Variants in FBXL17 observed in about 807,000 individuals in gnomAD.
The protein encoded by FBXL17 is F-box and leucine rich repeat protein 17.
FBXL17 carries 22 observed loss-of-function variants against 66.2 expected under a neutral mutation model. The observed-to-expected ratio is 0.33, with a 90% CI of 0.24 to 0.47. FBXL17 has a LOEUF of 0.47. Ranked by LOEUF, FBXL17 falls within the 20% of genes least tolerant of loss-of-function variation. FBXL17 has a pLI of 1.00. For synonymous variants in FBXL17, 474 were observed against 400.5 expected (o/e 1.18, Z -2.19); for missense variants, 878 against 948.2 (o/e 0.93, Z 0.97).
intron 4 of FBXL17, among the ~76,000 whole-genome samples, chr5:108,252,532 A>G (rs891104273): frequency 4.6e-5 from 7 of 152,196 alleles, no homozygotes; most frequent in African/African-American, 1.7e-4. Flanking sequence ...TTTCTGGAAC[A>G]AACAAAATGA....
chr5:108,182,838 G>C (rs1055160506), intron 6 of FBXL17, among the ~76,000 whole-genome samples: 1 of 152,008 alleles, frequency 6.6e-6, no homozygotes, highest in Non-Finnish European at 1.5e-5. Context: ...TAGAAGATTA[G>C]AAATCCACTC....
chr5:107,890,695 T>C (rs1749171356), intron 7 of FBXL17, among the ~76,000 whole-genome samples: 1 of 151,446 alleles, frequency 6.6e-6, no homozygotes, highest in Non-Finnish European at 1.5e-5. Context: ...TCTAACCTAC[T>C]ATGTATCAGA....
At chr5:108,351,306 AT>A (rs1389786884) in intron 3 of FBXL17, among the ~76,000 whole-genome samples, 1 of 152,196 alleles carries the variant, frequency 6.6e-6, no homozygotes, top group Admixed American at 6.5e-5. Context: ...CTAAATCCTT[AT>A]CTTTGATACA....
intron 7 of FBXL17, among the ~76,000 whole-genome samples, chr5:107,955,066 C>G (rs1215191225): frequency 1.3e-5 from 2 of 151,948 alleles, no homozygotes; most frequent in Non-Finnish European, 2.9e-5. Flanking sequence ...AGAAAATGAT[C>G]AGTTTTAATT....
intron 7 of FBXL17, among the ~76,000 whole-genome samples, chr5:108,009,300 T>TATATATATACAC (rs1554056634): frequency 4.7e-5 from 3 of 63,302 alleles, no homozygotes; most frequent in Non-Finnish European, 9.0e-5. Context: ...TATATATATA[T>TATATATATACAC]ACATATATAC....
intron 4 of FBXL17, among the ~76,000 whole-genome samples, chr5:108,289,785 A>G (rs1758039174): frequency 6.6e-6 from 1 of 152,122 alleles, no homozygotes; most frequent in African/African-American, 2.4e-5. Context: ...ATTGCTTTGG[A>G]AGGTTGCCTA....
chr5:107,966,020 A>T (rs1258076478), intron 7 of FBXL17, among the ~76,000 whole-genome samples: 1 of 152,166 alleles, frequency 6.6e-6, no homozygotes, highest in Non-Finnish European at 1.5e-5. Flanking sequence ...GGCTCTTAGA[A>T]ATTTTCCCTG....
chr5:108,071,260 A>G (rs780697866), intron 6 of FBXL17, among the ~76,000 whole-genome samples: 2 of 152,190 alleles, frequency 1.3e-5, no homozygotes, highest in Non-Finnish European at 2.9e-5. Context: ...TGTGAGTACT[A>G]AGATTTTCAT....
chr5:107,869,344 G>C (rs894813614), intron 8 of FBXL17, among the ~76,000 whole-genome samples: 2 of 152,142 alleles, frequency 1.3e-5, no homozygotes, highest in Admixed American at 1.3e-4. Flanking sequence ...AAAAGTCATC[G>C]TGAACAATGC....
At chr5:108,147,333 A>G (rs1751600086) in intron 6 of FBXL17, among the ~76,000 whole-genome samples, 1 of 152,314 alleles carries the variant, frequency 6.6e-6, no homozygotes, top group South Asian at 2.1e-4. Context: ...GTCAATGGAA[A>G]CTACTGTGTT....
At chr5:108,062,113 T>C (rs1315539930) in intron 6 of FBXL17, among the ~76,000 whole-genome samples, 2 of 152,078 alleles carry the variant, frequency 1.3e-5, no homozygotes, top group East Asian at 3.9e-4. Context: ...GGACTCCTTT[T>C]ACAAAAGGAA....
intron 4 of FBXL17, among the ~76,000 whole-genome samples, chr5:108,244,196 T>C (rs7737425): frequency 0.05 from 7,578 of 152,238 alleles, 629 homozygotes; most frequent in African/African-American, 0.17. Context: ...CTTTTCCTCA[T>C]ATTTCTTCTG....
At chr5:108,316,071 A>G (rs1259731949) in intron 4 of FBXL17, among the ~76,000 whole-genome samples, 1 of 151,490 alleles carries the variant, frequency 6.6e-6, no homozygotes, top group African/African-American at 2.4e-5. Context: ...TCTTTGAATG[A>G]GGCCCACACA....
At chr5:108,240,235 G>C (rs142727056) in intron 4 of FBXL17, among the ~76,000 whole-genome samples, 142 of 152,218 alleles carry the variant, frequency 9.3e-4, no homozygotes, top group African/African-American at 3.4e-3. Flanking sequence ...CCACAGTTGG[G>C]TAGAGCAACA....
chr5:108,117,375 A>T (rs770951664), intron 6 of FBXL17, among the ~76,000 whole-genome samples: 1 of 152,232 alleles, frequency 6.6e-6, no homozygotes, highest in Non-Finnish European at 1.5e-5. Flanking sequence ...TTAGTCTCTC[A>T]AACGTATAAG....
intron 7 of FBXL17, among the ~76,000 whole-genome samples, chr5:107,973,255 A>G (rs1752443299): frequency 6.6e-6 from 1 of 151,988 alleles, no homozygotes; most frequent in East Asian, 1.9e-4. Context: ...AGCTTGTCCA[A>G]CCTGTGGCCT....
intron 6 of FBXL17, among the ~76,000 whole-genome samples, chr5:108,048,718 G>C (rs1031150620): frequency 1.3e-5 from 2 of 152,084 alleles, no homozygotes; most frequent in Non-Finnish European, 2.9e-5. Context: ...GAGTCTGAAG[G>C]CCACCTTGCT....
intron 3 of FBXL17, among the ~76,000 whole-genome samples, chr5:108,350,348 G>A (rs570206197): frequency 1.3e-5 from 2 of 152,144 alleles, no homozygotes; most frequent in African/African-American, 4.8e-5. Context: ...TTTTTGGACT[G>A]GGGTATACCA....
At chr5:108,067,248 A>G (rs1748148868) in intron 6 of FBXL17, among the ~76,000 whole-genome samples, 1 of 152,150 alleles carries the variant, frequency 6.6e-6, no homozygotes, top group African/African-American at 2.4e-5. Flanking sequence ...TGAGACATGT[A>G]AAACAGACTT....
Sources: allele counts gnomAD v4.1 joint callset (sites outside exome capture counted in the v4.1 genomes callset), GRCh38; gene constraint gnomAD v4.1.1; transcripts MANE v1.5; gene names NCBI Gene and HGNC (gene_info 2026-07-23, HGNC 2026-07-21).